Variants in PAK5 observed in about 807,000 individuals in gnomAD.
PAK5 encodes the protein p21 (RAC1) activated kinase 5, also known as serine/threonine-protein kinase PAK 5.
In PAK5, 16 loss-of-function variants were observed where a neutral mutation model predicts 65.9. The observed-to-expected ratio is 0.24, with a 90% CI of 0.16 to 0.37. The LOEUF (loss-of-function observed/expected upper bound fraction) is 0.37. Ranked by LOEUF, PAK5 falls within the 10% of genes least tolerant of loss-of-function variation. PAK5 has a pLI of 1.00. For missense variants in PAK5, 785 were observed against 903.9 expected, an observed-to-expected ratio of 0.87 and a Z score of 1.69; for synonymous variants, 371 against 354.9, an observed-to-expected ratio of 1.05 and a Z score of -0.51.
Position 9,580,505 on chromosome 20 carries a change from A to T in PAK5, c.630T>A (p.Ser210Arg), listed in dbSNP as rs1456634194. 1.2e-6 allele frequency: 2 copies of T among 1,614,050 alleles called. No individual in the cohort carries two copies. The highest frequency in any genetic ancestry group is 3.3e-5 in the Admixed American group (2 of 59,996). ...HSHLDSLSKP[S>R]EYSDLKWEYQ... ...ACTCCCACTTGAGGTCACTGTATTC[A>T]CTTGGTTTGCTCAGTGAGTCCAAAT... is the stretch of plus-strand genomic sequence containing the variant. Residue 210 changes from serine (S) to arginine (R), a missense_variant, in exon 4 of 10, where the codon AGT (serine) becomes AGA (arginine). Around this residue, in one of 4 missense-constraint regions of PAK5, gnomAD observed 422 missense variants for 413.3 expected, o/e 1.02. Transcript: ENST00000353224.
Position 9,583,472 on chromosome 20 carries a change from G to A in PAK5, c.205-2542C>T, listed in dbSNP as rs6056718. ...TAAAATTCCTTTACACTTATAGTTT[G>A]CATTCAAAGCACTGTTTCCAAAGTT... On this transcript the variant is annotated intron_variant, in intron 3 of 9. Transcript: ENST00000353224. Among the ~76,000 whole-genome samples, 10 of 152,126 alleles carry A rather than the reference G, an allele frequency of 6.6e-5. No individual in the cohort carries two copies. In the South Asian group the frequency reaches 1.9e-3, roughly 28 times the overall value.
At chr20:9,560,019 C>T (rs906594878) in intron 6 of PAK5, among the ~76,000 whole-genome samples, 2 of 152,296 alleles carry the variant, frequency 1.3e-5, no homozygotes, top group Non-Finnish European at 2.9e-5. Flanking sequence ...CCAAGAACCA[C>T]CATCTTTAAT....
intron 1 of PAK5, among the ~76,000 whole-genome samples, chr20:9,728,551 C>T (rs2123544616): frequency 6.6e-6 from 1 of 152,236 alleles, no homozygotes; most frequent in South Asian, 2.1e-4. Flanking sequence ...CTGAATAGTA[C>T]ACTTCAAAAG....
intron 3 of PAK5, among the ~76,000 whole-genome samples, chr20:9,612,656 C>T (rs1464721622): frequency 6.6e-6 from 1 of 152,116 alleles, no homozygotes; most frequent in African/African-American, 2.4e-5. Context: ...AATCACCTCC[C>T]ACCAGGCCCA....
At position 9,746,045 on chromosome 20, in the gene PAK5, G is replaced by A. The variant is rs559719814; in HGVS notation, c.-161-34610C>T. Among the ~76,000 whole-genome samples, 32 of 152,168 alleles carry A rather than the reference G, an allele frequency of 2.1e-4. 2 individuals carry two copies. The highest frequency in any genetic ancestry group is 1.8e-3 in the Admixed American group (28 of 15,274). The stretch of plus-strand genomic sequence containing the variant: ...AGAAAACCCAATGTTAATAAAAAAT[G>A]TTCCCAAAACTTTCTCATCTCCCAT... On this transcript the variant is annotated intron_variant, in intron 1 of 9. Transcript: ENST00000353224.
chr20:9,631,071 T>C (rs536365178), intron 3 of PAK5, among the ~76,000 whole-genome samples: 4 of 152,270 alleles, frequency 2.6e-5, no homozygotes, highest in South Asian at 4.1e-4. Context: ...AGTTTGGACT[T>C]TGAGATGATG....
chr20:9,792,099 T>G (rs1289331430), intron 1 of PAK5, among the ~76,000 whole-genome samples: 1 of 152,336 alleles, frequency 6.6e-6, no homozygotes, highest in South Asian at 2.1e-4. Context: ...ATGACTATTT[T>G]GATCCCCCCT....
intron 3 of PAK5, among the ~76,000 whole-genome samples, chr20:9,627,138 C>T (rs1200282021): frequency 1.3e-5 from 2 of 152,218 alleles, no homozygotes. Context: ...ATCTGCTAAA[C>T]ATACCACAGG....
At chr20:9,795,333 C>T (rs2049093333) in intron 1 of PAK5, among the ~76,000 whole-genome samples, 3 of 152,036 alleles carry the variant, frequency 2.0e-5, no homozygotes, top group African/African-American at 7.2e-5. Flanking sequence ...ATTCACCTGT[C>T]CAAGTAAATT....
At chr20:9,667,190 T>A (rs1167966233) in intron 2 of PAK5, among the ~76,000 whole-genome samples, 1 of 152,100 alleles carries the variant, frequency 6.6e-6, no homozygotes, top group Non-Finnish European at 1.5e-5. Flanking sequence ...GGCAGGAGAA[T>A]CTCTTGAACC....
At chr20:9,834,750 G>C (rs1979008386) in intron 1 of PAK5, among the ~76,000 whole-genome samples, 1 of 151,968 alleles carries the variant, frequency 6.6e-6, no homozygotes, top group Admixed American at 6.6e-5. Flanking sequence ...AGAGACACTG[G>C]CATATAACAG....
chr20:9,539,653 C>T, intron 9 of PAK5, 36 bp from the exon 10 acceptor site: 2 of 1,586,192 alleles, frequency 1.3e-6, no homozygotes, highest in Non-Finnish European at 1.7e-6. Flanking sequence ...TGAGGACTAA[C>T]ACAGACACCT....
intron 4 of PAK5, among the ~76,000 whole-genome samples, chr20:9,573,825 G>A (rs1450329117): frequency 1.3e-5 from 2 of 152,160 alleles, no homozygotes; most frequent in East Asian, 1.9e-4. Context: ...GAAGGATGGC[G>A]AGTTACAGGG....
chr20:9,671,252 T>C (rs1441887656), intron 2 of PAK5, among the ~76,000 whole-genome samples: 2 of 152,212 alleles, frequency 1.3e-5, no homozygotes, highest in Admixed American at 6.5e-5. Flanking sequence ...GACTTAGCAA[T>C]GTGGGCTCTT....
chr20:9,624,367 CAATAATGCTGAACA>C (rs1454570187), intron 3 of PAK5, among the ~76,000 whole-genome samples: 2 of 151,780 alleles, frequency 1.3e-5, no homozygotes. Flanking sequence ...GACGGGTATT[CAATAATGCTGAACA>C]AATTGAATGT....
intron 1 of PAK5, among the ~76,000 whole-genome samples, chr20:9,830,118 C>T (rs562876419): frequency 1.3e-4 from 20 of 152,292 alleles, no homozygotes; most frequent in African/African-American, 4.3e-4. Flanking sequence ...CAGTGCTGTC[C>T]AGGTGCTGAG....
chr20:9,798,410 C>G (rs1232071170), intron 1 of PAK5, among the ~76,000 whole-genome samples: 1 of 152,028 alleles, frequency 6.6e-6, no homozygotes, highest in Non-Finnish European at 1.5e-5. Context: ...ATTCAAAGTA[C>G]AGGGTTGGCC....
intron 7 of PAK5, among the ~76,000 whole-genome samples, chr20:9,555,754 A>C (rs541750023): frequency 2.0e-5 from 3 of 152,336 alleles, no homozygotes; most frequent in African/African-American, 7.2e-5. Context: ...TCTGGTCTTG[A>C]ATATTTAGTA....
At chr20:9,758,416 GCCCGTGCAACAACAGTGATGT>G (rs2048660183) in intron 1 of PAK5, among the ~76,000 whole-genome samples, 1 of 152,160 alleles carries the variant, frequency 6.6e-6, no homozygotes, top group Non-Finnish European at 1.5e-5. Flanking sequence ...CACATGCCAA[GCCCGTGCAACAACAGTGATGT>G]CTCCTTCCTA....
Sources: allele counts gnomAD v4.1 joint callset (sites outside exome capture counted in the v4.1 genomes callset), GRCh38; gene constraint gnomAD v4.1.1; regional missense constraint gnomAD v4.1.1; transcripts MANE v1.5; gene names NCBI Gene and HGNC (gene_info 2026-07-23, HGNC 2026-07-21).